Variants in AATF observed in about 807,000 individuals in gnomAD.
AATF encodes apoptosis antagonizing transcription factor.
In AATF, 48 loss-of-function variants were observed where a neutral mutation model predicts 63.7. That is an observed-to-expected ratio of 0.75 (90% confidence interval 0.60 to 0.96). AATF has a LOEUF of 0.96. Among genes scored for constraint, AATF ranks in the 40% least tolerant of loss-of-function variants. AATF has a pLI of 0.00. For missense variants in AATF, 639 were observed against 685.7 expected, an observed-to-expected ratio of 0.93 and a Z score of 0.76; for synonymous variants, 258 against 247.7, an observed-to-expected ratio of 1.04 and a Z score of -0.39.
chr17:37,051,634 A>C (rs2071750477), intron 11 of AATF, among the ~76,000 whole-genome samples: 2 of 151,776 alleles, frequency 1.3e-5, no homozygotes, highest in South Asian at 4.1e-4. Flanking sequence ...GCATACTTTA[A>C]GTCTCTTCAG....
chr17:36,988,745 A>G (rs1315094415), intron 6 of AATF, 25 bp downstream of exon 6: 1 of 1,602,416 alleles, frequency 6.2e-7, no homozygotes, highest in Admixed American at 1.7e-5. Context: ...GCGCGCATGT[A>G]TGTGTAAGAT....
chr17:36,959,333 C>T (rs1047337131), intron 4 of AATF, among the ~76,000 whole-genome samples: 1 of 152,018 alleles, frequency 6.6e-6, no homozygotes, highest in Non-Finnish European at 1.5e-5. Flanking sequence ...ATCCCATCTA[C>T]TCAGGAGGCT....
chr17:36,962,777 A>G lies in AATF; in HGVS notation c.832+8870A>G, dbSNP rs117167443. ...TATCATTGCACAATGGAACCTCTTT[A>G]TATGTACATTTAATTAACTCAAACG... On this transcript the variant is annotated intron_variant, in intron 4 of 11. Transcript: ENST00000619387. 2.6e-5 allele frequency among the ~76,000 whole-genome samples: 4 copies of G among 152,268 alleles called. No homozygotes were observed. The East Asian group carries it at 7.7e-4, about 29-fold the overall frequency.
intron 4 of AATF, among the ~76,000 whole-genome samples, chr17:36,971,674 CCCAAATGT>C (rs1199657315): frequency 2.0e-5 from 3 of 152,128 alleles, no homozygotes; most frequent in African/African-American, 4.8e-5. Flanking sequence ...CTGGAAACAG[CCCAAATGT>C]CCAAATGTGC....
At chr17:37,033,642 TA>T (rs2071568171) in intron 11 of AATF, 1 of 154,738 alleles carries the variant, frequency 6.5e-6, no homozygotes, top group African/African-American at 2.4e-5. Flanking sequence ...ATAAAAAATA[TA>T]AAACCTGACT....
intron 11 of AATF, among the ~76,000 whole-genome samples, chr17:37,035,603 A>G (rs2071585945): frequency 6.7e-6 from 1 of 150,132 alleles, no homozygotes; most frequent in South Asian, 2.1e-4. Flanking sequence ...CAGTGGTGCA[A>G]TCTTGGCTCA....
chr17:37,012,415 T>C (rs1014348318), intron 8 of AATF, among the ~76,000 whole-genome samples: 2 of 152,014 alleles, frequency 1.3e-5, no homozygotes, highest in African/African-American at 2.4e-5. Flanking sequence ...AGGCAGGAGG[T>C]AGAGCAAAAA....
chr17:36,993,176 C>G (rs1009476737), intron 8 of AATF, among the ~76,000 whole-genome samples: 5 of 152,192 alleles, frequency 3.3e-5, no homozygotes, highest in African/African-American at 1.2e-4. Flanking sequence ...ACAGCTTATC[C>G]TAGCCTCGTA....
rs923368051 is a variant in AATF, at chr17:36,951,439, CA to C, written c.283+1044del. On this transcript the variant is annotated intron_variant, in intron 2 of 11. Transcript: ENST00000619387. ...AAGAGCCTGGGACACAGTAAGTCCT[CA>C]AAAAAAAAATTATAAAATTACCTGG... 2.2e-4 allele frequency among the ~76,000 whole-genome samples: 32 copies of C among 147,584 alleles called. 1 individual carries two copies. Among genetic ancestry groups the C allele is most frequent in the East Asian group, 1.2e-3 (6 of 5,108 alleles).
chr17:37,035,957 T>C (rs540846065), intron 11 of AATF, among the ~76,000 whole-genome samples: 72 of 152,254 alleles, frequency 4.7e-4, no homozygotes, highest in Non-Finnish European at 9.3e-4. Flanking sequence ...AGGGTCTCAC[T>C]GTATTTTCTG....
At chr17:37,027,984 AT>A (rs1351020718) in intron 10 of AATF, among the ~76,000 whole-genome samples, 1 of 152,186 alleles carries the variant, frequency 6.6e-6, no homozygotes. Flanking sequence ...AATTAACAGT[AT>A]TTTTGGTTTA....
At chr17:37,054,332 T>C (rs1248963034) in intron 11 of AATF, 1 of 152,282 alleles carries the variant, frequency 6.6e-6, no homozygotes, top group Non-Finnish European at 1.5e-5. Context: ...TCTGACCTAG[T>C]GGAAGCCTGG....
At chr17:37,028,816 T>C (rs2071530174) in intron 10 of AATF, among the ~76,000 whole-genome samples, 1 of 151,942 alleles carries the variant, frequency 6.6e-6, no homozygotes, top group African/African-American at 2.4e-5. Context: ...AGTGAAGAAT[T>C]AGAAGCAATG....
intron 4 of AATF, among the ~76,000 whole-genome samples, chr17:36,976,619 A>G (rs972321345): frequency 1.3e-5 from 2 of 152,174 alleles, no homozygotes; most frequent in Non-Finnish European, 2.9e-5. Context: ...ATTCAATACC[A>G]TTTGCCAACA....
rs1225004725 is a variant in AATF, at chr17:37,021,091, T to C, written c.1547+77T>C. 2.4e-5 allele frequency: 25 copies of C among 1,036,554 alleles called. No individual in the cohort carries two copies. In the South Asian group the frequency reaches 4.5e-4, roughly 19 times the overall value. The allele number at this position is 1,036,554 out of a possible 1,614,324, so 64.2% of individuals were successfully genotyped here. ...CTCTTACATTCTGGCTGTTATGTCA[T>C]TTTTCTTTTTCTTCTGATGATTCTG... On this transcript the variant is annotated intron_variant, in intron 10 of 11. Transcript: ENST00000619387.
chr17:37,020,729 T>A (rs1245086174), intron 9 of AATF, among the ~76,000 whole-genome samples: 1 of 152,254 alleles, frequency 6.6e-6, no homozygotes, highest in Non-Finnish European at 1.5e-5. Context: ...AAATTTGCTG[T>A]AGAATTTCCC....
chr17:36,988,821 A>G (rs2071190322), intron 6 of AATF, 101 bp downstream of exon 6: 1 of 1,136,948 alleles, frequency 8.8e-7, no homozygotes, highest in Admixed American at 2.4e-5. Flanking sequence ...GGATGTTGTC[A>G]CGATGTAATG....
rs758101369 is a variant in AATF at position 37,056,678 on chromosome 17, C to T, written c.*14C>T. 3.9e-5 allele frequency: 63 copies of T among 1,613,926 alleles called. No homozygotes were observed. The highest frequency in any genetic ancestry group is 5.0e-5 in the Admixed American group (3 of 60,012). ...CACGGGGATTGACATCGCCCACCTC[C>T]GACACCCAGTGGGCGCCTTGGCTGG... On this transcript the variant is annotated 3_prime_UTR_variant, in exon 12 of 12. Coordinates refer to ENST00000619387, the MANE Select transcript of AATF (RefSeq NM_012138.4).
chr17:36,981,410 T>TC (rs916863516), intron 4 of AATF, among the ~76,000 whole-genome samples: 1 of 151,946 alleles, frequency 6.6e-6, no homozygotes, highest in African/African-American at 2.4e-5. Context: ...GAATTAAGGG[T>TC]CAGACACTTT....
Sources: gnomAD v4.1 joint callset for allele counts (sites outside exome capture counted in the v4.1 genomes callset) on GRCh38, gnomAD v4.1.1 for gene constraint, MANE v1.5 for transcripts, NCBI Gene and HGNC (gene_info 2026-07-23, HGNC 2026-07-21) for gene names.